The following SGCD variants were observed in gnomAD, a reference collection of about 807,000 sequenced individuals.
SGCD encodes the protein sarcoglycan delta.
Under a neutral mutation model 36.6 loss-of-function variants are expected in SGCD, and 18 were observed. The observed-to-expected ratio is 0.49, with a 90% CI of 0.34 to 0.73. The LOEUF is 0.73. Among genes scored for constraint, SGCD ranks in the 30% least tolerant of loss-of-function variants. The pLI, the probability that SGCD is intolerant of heterozygous loss-of-function variation, is 0.01. For missense variants in SGCD, 387 were observed against 346.7 expected (o/e 1.12, Z -0.92); for synonymous variants, 133 against 130.6 (o/e 1.02, Z -0.12).
At chr5:156,043,883 A>G (rs539188458) in intron 1 of SGCD, among the ~76,000 whole-genome samples, 51 of 152,292 alleles carry the variant, frequency 3.3e-4, no homozygotes, top group African/African-American at 1.2e-3. Context: ...CAAATCCCAA[A>G]TCTGTCAGTT....
At chr5:156,404,081 C>T (rs769171256) in intron 3 of SGCD, among the ~76,000 whole-genome samples, 3 of 152,114 alleles carry the variant, frequency 2.0e-5, no homozygotes, top group Non-Finnish European at 2.9e-5. Context: ...ATGATCACCT[C>T]ACCTCAGCCT....
At chr5:156,656,047 A>G (rs1282241103) in intron 7 of SGCD, among the ~76,000 whole-genome samples, 1 of 152,138 alleles carries the variant, frequency 6.6e-6, no homozygotes, top group East Asian at 1.9e-4. Context: ...CTTCTTTCTC[A>G]GGTACATGCC....
intron 1 of SGCD, among the ~76,000 whole-genome samples, chr5:155,980,727 G>C (rs1342635839): frequency 6.9e-6 from 1 of 144,766 alleles, no homozygotes; most frequent in Non-Finnish European, 1.5e-5. Context: ...TCCTTTTATT[G>C]ACCCTTTATT....
intron 4 of SGCD, among the ~76,000 whole-genome samples, chr5:156,557,286 TA>T (rs2113225225): frequency 6.6e-6 from 1 of 152,282 alleles, no homozygotes; most frequent in Admixed American, 6.5e-5. Context: ...TTCTTTCAGA[TA>T]AAGATGGGAG....
At chr5:155,831,229 T>C in the SGCD span, among the ~76,000 whole-genome samples, 1 of 152,220 alleles carries the variant, frequency 6.6e-6, no homozygotes, top group Non-Finnish European at 1.5e-5. Context: ...GACTCTGTGA[T>C]ATATTCCTCC....
intron 7 of SGCD, among the ~76,000 whole-genome samples, chr5:156,649,011 G>A (rs767624704): frequency 1.2e-4 from 19 of 152,108 alleles, no homozygotes; most frequent in Non-Finnish European, 2.6e-4. Flanking sequence ...AAAAAGTGCT[G>A]TCTAAAAGAA....
intron 3 of SGCD, among the ~76,000 whole-genome samples, chr5:156,248,669 C>T (rs575706950): frequency 2.6e-5 from 4 of 152,266 alleles, no homozygotes; most frequent in East Asian, 1.9e-4. Context: ...TATTCGAAGA[C>T]GATAGCAATC....
chr5:156,617,440 T>A (rs549483819), intron 6 of SGCD, among the ~76,000 whole-genome samples: 1 of 152,340 alleles, frequency 6.6e-6, no homozygotes, highest in East Asian at 1.9e-4. Context: ...ATACCTCTGG[T>A]GCTGTTAGCC....
At chr5:156,019,131 A>G (rs768796773) in intron 1 of SGCD, among the ~76,000 whole-genome samples, 31 of 152,224 alleles carry the variant, frequency 2.0e-4, no homozygotes, top group Non-Finnish European at 4.4e-4. Context: ...GGCTTCTAGT[A>G]TAATAAACTG....
At chr5:155,984,136 G>T (rs969860610) in intron 1 of SGCD, among the ~76,000 whole-genome samples, 4 of 152,186 alleles carry the variant, frequency 2.6e-5, no homozygotes, top group African/African-American at 9.7e-5. Flanking sequence ...ACTTTGCAAA[G>T]CACATTCACA....
At chr5:156,470,636 C>CAT (rs1561716681) in intron 3 of SGCD, among the ~76,000 whole-genome samples, 1 of 151,940 alleles carries the variant, frequency 6.6e-6, no homozygotes, top group African/African-American at 2.4e-5. Context: ...GAATTTTTTT[C>CAT]TATCATTTCT....
At chr5:156,733,367 G>A (rs1756179549) in intron 7 of SGCD, among the ~76,000 whole-genome samples, 1 of 151,784 alleles carries the variant, frequency 6.6e-6, no homozygotes, top group Admixed American at 6.6e-5. Flanking sequence ...TTGAGTGATT[G>A]TGCTTTGGTT....
chr5:156,010,324 G>A (rs1436361818), intron 1 of SGCD, among the ~76,000 whole-genome samples: 1 of 152,120 alleles, frequency 6.6e-6, no homozygotes, highest in Non-Finnish European at 1.5e-5. Flanking sequence ...TGTGGGTTTT[G>A]ACAGATTAAA....
intron 4 of SGCD, among the ~76,000 whole-genome samples, chr5:156,535,963 A>G (rs1758088796): frequency 6.6e-6 from 1 of 152,176 alleles, no homozygotes; most frequent in South Asian, 2.1e-4. Flanking sequence ...CAGTGAGTTG[A>G]CGGATAATTT....
At chr5:155,872,411 T>C (rs1755674411) in intron 1 of SGCD, among the ~76,000 whole-genome samples, 1 of 151,948 alleles carries the variant, frequency 6.6e-6, no homozygotes, top group South Asian at 2.1e-4. Context: ...CTATAGCCTA[T>C]TGAAATTTTT....
the SGCD span, among the ~76,000 whole-genome samples, chr5:155,733,670 T>C: frequency 6.6e-6 from 1 of 152,000 alleles, no homozygotes; most frequent in Non-Finnish European, 1.5e-5. Flanking sequence ...CAGAACCTAC[T>C]TTCCTGGGAT....
At chr5:156,449,316 C>A (rs550007894) in intron 3 of SGCD, among the ~76,000 whole-genome samples, 1 of 152,076 alleles carries the variant, frequency 6.6e-6, no homozygotes, top group Non-Finnish European at 1.5e-5. Flanking sequence ...ATTTGGATCA[C>A]GTTTGTTGCA....
intron 3 of SGCD, among the ~76,000 whole-genome samples, chr5:156,483,544 CAG>C (rs1755531244): frequency 1.3e-5 from 2 of 152,190 alleles, no homozygotes; most frequent in Non-Finnish European, 2.9e-5. Context: ...GATAACCAAA[CAG>C]AAGGCGAGGC....
At chr5:156,604,736 A>ATATACATATATACACATTTTATATATATG (rs1761349246) in intron 6 of SGCD, among the ~76,000 whole-genome samples, 1 of 148,676 alleles carries the variant, frequency 6.7e-6, no homozygotes, top group Non-Finnish European at 1.5e-5. Flanking sequence ...ATATATGTAT[A>ATATACATATATACACATTTTATATATATG]TATACATATA....
Sources: gnomAD v4.1 joint callset for allele counts (sites outside exome capture counted in the v4.1 genomes callset) on GRCh38, gnomAD v4.1.1 for gene constraint, MANE v1.5 for transcripts, NCBI Gene and HGNC (gene_info 2026-07-23, HGNC 2026-07-21) for gene names.